The following TANC1 variants were observed in gnomAD, a reference collection of about 807,000 sequenced individuals.
TANC1 encodes tetratricopeptide repeat, ankyrin repeat and coiled-coil containing 1, also known as protein TANC1.
Under a neutral mutation model 149.7 loss-of-function variants are expected in TANC1, and 77 were observed. The observed-to-expected ratio is 0.51, with a 90% confidence interval of 0.43 to 0.62. The LOEUF is 0.62. Among genes scored for constraint, TANC1 ranks in the 20% least tolerant of loss-of-function variants. The pLI, the probability that TANC1 is intolerant of heterozygous loss-of-function variation, is 0.00. For synonymous variants in TANC1, 854 were observed against 925.0 expected (o/e 0.92, Z 1.39); for missense variants, 1,985 against 2,321.8 (o/e 0.85, Z 2.98).
At chr2:159,213,343 C>A (rs774689554) in intron 19 of TANC1, among the ~76,000 whole-genome samples, 8 of 152,040 alleles carry the variant, frequency 5.3e-5, no homozygotes, top group Non-Finnish European at 8.8e-5. Context: ...GGGACCAGAA[C>A]TGGTTTGTGT....
intron 2 of TANC1, chr2:159,004,234 C>A: frequency 6.2e-7 from 1 of 1,612,144 alleles, no homozygotes; most frequent in Non-Finnish European, 8.5e-7. Flanking sequence ...AGTAAAGCAC[C>A]AAAACCAGAA....
At chr2:159,110,593 G>A (rs1259769161) in intron 4 of TANC1, among the ~76,000 whole-genome samples, 1 of 152,244 alleles carries the variant, frequency 6.6e-6, no homozygotes, top group African/African-American at 2.4e-5. Flanking sequence ...GGGATTACAG[G>A]TGTGTGCCAT....
chr2:159,136,061 C>CGAGCGT, intron 4 of TANC1, 133 bp from the exon 5 acceptor site: 2 of 467,470 alleles, frequency 4.3e-6, no homozygotes, highest in Non-Finnish European at 7.6e-6. Context: ...CGCGCGCGCG[C>CGAGCGT]GTTTAAGGGA....
chr2:159,059,131 A>G (rs1021471930), intron 2 of TANC1, among the ~76,000 whole-genome samples: 1 of 152,234 alleles, frequency 6.6e-6, no homozygotes, highest in African/African-American at 2.4e-5. Flanking sequence ...GGGTTGTTGA[A>G]TAAAGAATGA....
At position 159,217,527 on chromosome 2, in the gene TANC1, T is replaced by C. The variant is rs769871725; in HGVS notation, c.3275T>C (p.Leu1092Pro). ...ACTGCCGCCGCAGGAAGAGGGAAGCTGGAGGTCTGTGAGCTGCTGCTGGGG... is the reference window on the plus strand; with the variant it reads ...ACTGCCGCCGCAGGAAGAGGGAAGCCGGAGGTCTGTGAGCTGCTGCTGGGG... ...ALTAAAGRGKLEVCELLLGHG... is the reference protein window; with the variant it reads ...ALTAAAGRGKPEVCELLLGHG... The change falls in exon 20 of 27, where the codon CTG (leucine) becomes CCG (proline). Residue 1092 changes from leucine (L) to proline (P), a missense_variant. Physicochemically the swap from Leu to Pro is moderately conservative, Grantham distance 98. This residue lies in a region of TANC1 where 920 missense variants were observed against 994.7 expected (regional missense o/e 0.92). Coordinates refer to ENST00000263635, the MANE Select transcript of TANC1 (RefSeq NM_033394.3). The C allele has an allele frequency of 1.2e-6, 2 of 1,614,216 alleles. No homozygotes were observed. Among genetic ancestry groups the C allele is most frequent in the East Asian group, 2.2e-5 (1 of 44,884 alleles).
rs34605981 is a variant in TANC1 at position 158,975,833 on chromosome 2, CTTT to C, written c.-126+7067_-126+7069del. Among the ~76,000 whole-genome samples the C allele has an allele frequency of 8.4e-3, 1,184 of 140,150 alleles. 5 individuals are homozygous for C. Among genetic ancestry groups the C allele is most frequent in the African/African-American group, 0.025 (954 of 38,036 alleles). 91.9% of individuals were successfully genotyped at this position (140,150 alleles called of 152,430 possible). A position where few individuals can be genotyped will look rare whatever the true frequency, so the allele number is the denominator to read the frequency against. The stretch of plus-strand genomic sequence containing the variant: ...ATTTTCGTTATTGTTTCTTTCTTAT[CTTT>C]TTTTTTTTTTTTTTTAAGCTAGGGT... On this transcript the variant is annotated intron_variant, in intron 1 of 26. Coordinates refer to ENST00000263635, the MANE Select transcript of TANC1 (RefSeq NM_033394.3).
chr2:159,070,063 T>C (rs1314408295), intron 3 of TANC1, among the ~76,000 whole-genome samples: 1 of 152,060 alleles, frequency 6.6e-6, no homozygotes, highest in Non-Finnish European at 1.5e-5. Flanking sequence ...ATTACAAGCG[T>C]GAACCACTGT....
intron 4 of TANC1, among the ~76,000 whole-genome samples, chr2:159,098,065 G>T (rs1005845429): frequency 6.6e-6 from 1 of 151,014 alleles, no homozygotes; most frequent in Non-Finnish European, 1.5e-5. Flanking sequence ...TAAAGATTTT[G>T]TTATCAGTAC....
intron 19 of TANC1, among the ~76,000 whole-genome samples, chr2:159,216,936 C>G (rs530298003): frequency 6.6e-6 from 1 of 152,158 alleles, no homozygotes; most frequent in Admixed American, 6.5e-5. Context: ...ATAATACCAA[C>G]CTGTGTTTGC....
chr2:159,055,050 G>T (rs1285572945), intron 2 of TANC1, among the ~76,000 whole-genome samples: 1 of 152,208 alleles, frequency 6.6e-6, no homozygotes, highest in Non-Finnish European at 1.5e-5. Flanking sequence ...TGTAAGTTGG[G>T]GATTGTAGCT....
At chr2:159,118,678 G>A (rs1257492192) in intron 4 of TANC1, among the ~76,000 whole-genome samples, 1 of 152,062 alleles carries the variant, frequency 6.6e-6, no homozygotes, top group African/African-American at 2.4e-5. Context: ...TTTTTGGCCG[G>A]CCTGGAAAGG....
At chr2:159,024,597 A>C (rs893186870) in intron 2 of TANC1, among the ~76,000 whole-genome samples, 1 of 152,114 alleles carries the variant, frequency 6.6e-6, no homozygotes, top group Non-Finnish European at 1.5e-5. Context: ...CTAAAAATAT[A>C]AAAATTAGCT....
At chr2:159,145,066 G>T (rs2051911204) in intron 5 of TANC1, among the ~76,000 whole-genome samples, 1 of 152,166 alleles carries the variant, frequency 6.6e-6, no homozygotes, top group Non-Finnish European at 1.5e-5. Context: ...ATAATACTTG[G>T]TGATCACTAG....
intron 7 of TANC1, among the ~76,000 whole-genome samples, chr2:159,154,548 A>G (rs2053214221): frequency 6.6e-6 from 1 of 152,192 alleles, no homozygotes. Context: ...GCCAGGGCTT[A>G]GCAAACCCCT....
intron 4 of TANC1, among the ~76,000 whole-genome samples, chr2:159,114,515 G>A (rs936999860): frequency 2.0e-5 from 3 of 152,156 alleles, no homozygotes; most frequent in African/African-American, 7.2e-5. Context: ...CTTACTGACA[G>A]TGTTGCTAGT....
intron 19 of TANC1, among the ~76,000 whole-genome samples, chr2:159,207,884 A>G (rs6737837): frequency 0.66 from 99,855 of 151,814 alleles, 34,633 homozygotes; most frequent in Non-Finnish European, 0.79. Context: ...ATGGAGGACC[A>G]AGAGCATCGT....
chr2:159,216,936 C>T (rs530298003), intron 19 of TANC1, among the ~76,000 whole-genome samples: 1 of 152,276 alleles, frequency 6.6e-6, no homozygotes, highest in African/African-American at 2.4e-5. Flanking sequence ...ATAATACCAA[C>T]CTGTGTTTGC....
chr2:159,119,031 CTGAT>C (rs1553560966), intron 4 of TANC1, among the ~76,000 whole-genome samples: 1 of 152,138 alleles, frequency 6.6e-6, no homozygotes, highest in Non-Finnish European at 1.5e-5. Context: ...CTTTTTGTCT[CTGAT>C]TGTTCAAAAT....
At chr2:159,206,516 C>G (rs182267130) in intron 19 of TANC1, among the ~76,000 whole-genome samples, 1 of 152,200 alleles carries the variant, frequency 6.6e-6, no homozygotes, top group Admixed American at 6.5e-5. Context: ...GTCTCAAGCA[C>G]GAACAAATTA....
Sources: allele counts gnomAD v4.1 joint callset (sites outside exome capture counted in the v4.1 genomes callset), GRCh38; gene constraint gnomAD v4.1.1; regional missense constraint gnomAD v4.1.1; transcripts MANE v1.5; gene names NCBI Gene and HGNC (gene_info 2026-07-23, HGNC 2026-07-21).